AAMDC: variants seen among roughly 807,000 people sequenced by gnomAD.
AAMDC encodes the protein mth938 domain-containing protein.
In AAMDC, 16 loss-of-function variants were observed where a neutral mutation model predicts 15.5. The observed-to-expected ratio is 1.03, with a 90% confidence interval of 0.70 to 1.57. The LOEUF is 1.57. Among genes scored for constraint, AAMDC ranks in the 40% most tolerant of loss-of-function variants. The probability of loss-of-function intolerance (pLI) is 0.00; values close to 1 mark genes in which losing one functional copy is unlikely to be tolerated. For synonymous variants in AAMDC, 51 were observed against 51.6 expected (o/e 0.99, Z 0.05); for missense variants, 141 against 144.9 (o/e 0.97, Z 0.14).
chr11:77,837,964 G>A (rs902020545), intron 1 of AAMDC, among the ~76,000 whole-genome samples: 3 of 152,140 alleles, frequency 2.0e-5, no homozygotes, highest in African/African-American at 7.2e-5. Context: ...TTCCAGCTAG[G>A]AACTAGCCTG....
At chr11:77,883,698 A>AGC in intron 5 of AAMDC, 11 of 960,642 alleles carry the variant, frequency 1.1e-5, no homozygotes, top group South Asian at 1.7e-5. Context: ...AGTGCTTATA[A>AGC]ACTCATTAAG....
At chr11:77,840,892 T>G (rs536378010) in intron 1 of AAMDC, 2 of 308,736 alleles carry the variant, frequency 6.5e-6, no homozygotes, top group East Asian at 1.0e-4. Flanking sequence ...TGTGTGGGGG[T>G]TTAGCCATTT....
At chr11:77,870,105 T>C (rs1481451745) in intron 3 of AAMDC, 1 of 172,910 alleles carries the variant, frequency 5.8e-6, no homozygotes, top group East Asian at 1.5e-4. Flanking sequence ...ATCCTCATAG[T>C]ATATTTTATA....
In AAMDC at chr11:77,877,623, A is replaced by G. The variant is rs1193393958; in HGVS notation, c.328+574A>G. 2.0e-5 allele frequency among the ~76,000 whole-genome samples: 3 copies of G among 152,230 alleles called. No individual in the cohort carries two copies. The East Asian group carries it at 5.8e-4, about 29-fold the overall frequency. On this transcript the variant is annotated intron_variant, in intron 5 of 5. Transcript: ENST00000304716. Reference sequence around the variant, plus strand: ...TTGGATTTGAATGAATACAGGCTTTATTACTTACTGTACAGTAATAGCCTC... The same window carrying G: ...TTGGATTTGAATGAATACAGGCTTTGTTACTTACTGTACAGTAATAGCCTC...
chr11:77,853,993 CTTTTT>C (rs571437470), intron 2 of AAMDC, among the ~76,000 whole-genome samples: 2 of 138,380 alleles, frequency 1.4e-5, no homozygotes, highest in African/African-American at 5.4e-5. Context: ...CCTCCAAATT[CTTTTT>C]TTTTTTTTTT....
intron 1 of AAMDC, among the ~76,000 whole-genome samples, chr11:77,835,078 A>G (rs1949623535): frequency 6.6e-6 from 1 of 152,186 alleles, no homozygotes; most frequent in East Asian, 1.9e-4. Context: ...TGAAATCTCT[A>G]CTTTTAAGCT....
intron 5 of AAMDC, among the ~76,000 whole-genome samples, chr11:77,890,431 C>G (rs1446695773): frequency 6.6e-6 from 1 of 151,946 alleles, no homozygotes; most frequent in Non-Finnish European, 1.5e-5. Flanking sequence ...CCCTTTGGCC[C>G]TTCTCTCATA....
downstream of AAMDC, among the ~76,000 whole-genome samples, chr11:77,903,909 T>G (rs1287244260): frequency 6.6e-6 from 1 of 152,158 alleles, no homozygotes; most frequent in Non-Finnish European, 1.5e-5. Context: ...TTCACCAGAA[T>G]GCGCAGGCAA....
At chr11:77,887,550 T>TAGTGTTGGA (rs1565223746) in intron 5 of AAMDC, among the ~76,000 whole-genome samples, 1 of 152,040 alleles carries the variant, frequency 6.6e-6, no homozygotes, top group African/African-American at 2.4e-5. Flanking sequence ...CTATTCAACA[T>TAGTGTTGGA]AGTGTTGGAA....
intron 3 of AAMDC, 132 bp from the exon 4 acceptor site, chr11:77,872,043 G>T: frequency 9.6e-7 from 1 of 1,037,936 alleles, no homozygotes; most frequent in Non-Finnish European, 1.3e-6. Context: ...TTTTGGACTG[G>T]TGATACACTG....
intron 5 of AAMDC, chr11:77,891,262 A>C: frequency 6.4e-7 from 1 of 1,554,504 alleles, no homozygotes; most frequent in Non-Finnish European, 8.8e-7. Flanking sequence ...TGCTAACATT[A>C]AATACTTCAA....
intron 1 of AAMDC, among the ~76,000 whole-genome samples, chr11:77,840,769 G>T (rs1046930647): frequency 6.6e-6 from 1 of 152,030 alleles, no homozygotes; most frequent in African/African-American, 2.4e-5. Context: ...TGCATGCCTT[G>T]TAATTTTTTG....
downstream of AAMDC, among the ~76,000 whole-genome samples, chr11:77,904,337 G>A (rs764858323): frequency 5.9e-5 from 9 of 152,158 alleles, no homozygotes; most frequent in African/African-American, 1.7e-4. Context: ...AAATATTCTC[G>A]TAGCCACGGT....
chr11:77,877,584 C>A (rs189803172), intron 5 of AAMDC, among the ~76,000 whole-genome samples: 5 of 152,252 alleles, frequency 3.3e-5, no homozygotes, highest in Admixed American at 2.0e-4. Flanking sequence ...ATAGCTTAGA[C>A]CTTTGGGATC....
chr11:77,835,699 G>A (rs554527353), intron 1 of AAMDC, among the ~76,000 whole-genome samples: 4 of 152,066 alleles, frequency 2.6e-5, no homozygotes, highest in African/African-American at 4.8e-5. Flanking sequence ...TGGGCGGATC[G>A]CTTGAGATCA....
intron 2 of AAMDC, chr11:77,850,746 T>C (rs1950335361): frequency 6.6e-6 from 1 of 150,412 alleles, no homozygotes; most frequent in African/African-American, 2.5e-5. Context: ...CATGTTTGTT[T>C]CTTTTCTCAC....
At chr11:77,879,217 G>T in intron 5 of AAMDC, 1 of 1,393,524 alleles carries the variant, frequency 7.2e-7, no homozygotes. Flanking sequence ...CAAAATGGAA[G>T]CAGTAGGGAG....
intron 2 of AAMDC, among the ~76,000 whole-genome samples, chr11:77,844,950 C>T (rs1342668975): frequency 6.6e-6 from 1 of 152,164 alleles, no homozygotes; most frequent in Non-Finnish European, 1.5e-5. Flanking sequence ...CTTTTGGCTT[C>T]ATTGGTTTCT....
intron 5 of AAMDC, among the ~76,000 whole-genome samples, chr11:77,883,524 G>C (rs1951873483): frequency 3.3e-5 from 5 of 152,318 alleles, no homozygotes; most frequent in Admixed American, 3.3e-4. Flanking sequence ...GTCGGTGGCA[G>C]TTAGGATAAG....
Sources: gnomAD v4.1 joint callset for allele counts (sites outside exome capture counted in the v4.1 genomes callset) on GRCh38, gnomAD v4.1.1 for gene constraint, MANE v1.5 for transcripts, NCBI Gene and HGNC (gene_info 2026-07-23, HGNC 2026-07-21) for gene names.